MAML2: variants seen among roughly 807,000 people sequenced by gnomAD.
MAML2 encodes mastermind like transcriptional coactivator 2.
In MAML2, 22 loss-of-function variants were observed where a neutral mutation model predicts 96.1. The ratio of observed to expected loss-of-function variants is 0.23; its 90% confidence interval spans 0.16 to 0.33. The LOEUF (loss-of-function observed/expected upper bound fraction) is 0.33, where lower values mean the gene tolerates loss of function less well. Among genes scored for constraint, MAML2 ranks in the 10% least tolerant of loss-of-function variants. The pLI is 1.00. For missense variants in MAML2, 1,367 were observed against 1,392.4 expected, an observed-to-expected ratio of 0.98 and a Z score of 0.29; for synonymous variants, 561 against 521.3, an observed-to-expected ratio of 1.08 and a Z score of -1.04.
chr11:96,018,127 T>A (rs1169775751), intron 2 of MAML2, among the ~76,000 whole-genome samples: 2 of 152,190 alleles, frequency 1.3e-5, no homozygotes, highest in Non-Finnish European at 2.9e-5. Flanking sequence ...GAGCCACTAA[T>A]AAGCAACTAT....
chr11:96,007,616 CAT>C (rs1858204903), intron 2 of MAML2, among the ~76,000 whole-genome samples: 1 of 151,832 alleles, frequency 6.6e-6, no homozygotes, highest in Non-Finnish European at 1.5e-5. Flanking sequence ...CTCCTATTAG[CAT>C]ATATAAGCCT....
intron 2 of MAML2, among the ~76,000 whole-genome samples, chr11:95,998,122 A>ATCTGTCTGTCAGTCTGTCTG (rs1554993525): frequency 1.4e-4 from 16 of 117,460 alleles, no homozygotes; most frequent in African/African-American, 4.9e-4. Context: ...TTTTCTATCT[A>ATCTGTCTGTCAGTCTGTCTG]TCTGTCTGTC....
At chr11:96,168,941 G>A (rs1006244780) in intron 1 of MAML2, among the ~76,000 whole-genome samples, 1 of 152,090 alleles carries the variant, frequency 6.6e-6, no homozygotes, top group African/African-American at 2.4e-5. Context: ...GGTGCCTAGT[G>A]GTGCTATTCA....
At chr11:95,998,057 T>C (rs1240062779) in intron 2 of MAML2, among the ~76,000 whole-genome samples, 1 of 152,100 alleles carries the variant, frequency 6.6e-6, no homozygotes, top group East Asian at 1.9e-4. Context: ...ACTAGACTCT[T>C]TATATAGCAA....
At chr11:96,183,562 T>A (rs111236253) in intron 1 of MAML2, among the ~76,000 whole-genome samples, 94 of 143,588 alleles carry the variant, frequency 6.5e-4, no homozygotes, top group African/African-American at 2.5e-3. Context: ...CACACCCAGC[T>A]AGATTTTTTT....
At chr11:96,067,225 T>C (rs1859259583) in intron 2 of MAML2, among the ~76,000 whole-genome samples, 1 of 152,226 alleles carries the variant, frequency 6.6e-6, no homozygotes, top group Non-Finnish European at 1.5e-5. Context: ...TGCTGGTAGC[T>C]ACCATTTGCA....
intron 1 of MAML2, among the ~76,000 whole-genome samples, chr11:96,256,847 C>G (rs1396216453): frequency 6.6e-6 from 1 of 152,138 alleles, no homozygotes; most frequent in Non-Finnish European, 1.5e-5. Context: ...TATCAAATGC[C>G]ATAAATATCT....
At chr11:96,110,128 G>C (rs936584039) in intron 1 of MAML2, among the ~76,000 whole-genome samples, 1 of 152,134 alleles carries the variant, frequency 6.6e-6, no homozygotes, top group African/African-American at 2.4e-5. Context: ...GTGGCATCTG[G>C]CATTTGATTG....
At chr11:96,316,701 G>A (rs1228053569) in intron 1 of MAML2, among the ~76,000 whole-genome samples, 2 of 152,182 alleles carry the variant, frequency 1.3e-5, no homozygotes, top group African/African-American at 2.4e-5. Context: ...TGCAACAGGA[G>A]GCTACTTAAG....
chr11:96,155,087 A>C (rs1860989445), intron 1 of MAML2, among the ~76,000 whole-genome samples: 1 of 152,164 alleles, frequency 6.6e-6, no homozygotes, highest in African/African-American at 2.4e-5. Flanking sequence ...GATGCCTATG[A>C]CTGGGTAAAT....
intron 1 of MAML2, among the ~76,000 whole-genome samples, chr11:96,245,972 G>A (rs1262130575): frequency 6.6e-6 from 1 of 151,998 alleles, no homozygotes; most frequent in East Asian, 1.9e-4. Context: ...CAAAGTGCTG[G>A]GATTACAGGT....
chr11:96,067,721 T>G (rs1859267261), intron 2 of MAML2, among the ~76,000 whole-genome samples: 1 of 152,194 alleles, frequency 6.6e-6, no homozygotes, highest in Non-Finnish European at 1.5e-5. Flanking sequence ...TATTTCACAT[T>G]AATATGGACA....
At chr11:96,162,714 AAAAAG>A (rs1373843420) in intron 1 of MAML2, among the ~76,000 whole-genome samples, 1 of 141,256 alleles carries the variant, frequency 7.1e-6, no homozygotes, top group Admixed American at 7.1e-5. Flanking sequence ...TCCGTCTCAA[AAAAAG>A]AAAAAAAAAA....
At chr11:95,997,789 T>G (rs1404340666) in intron 2 of MAML2, among the ~76,000 whole-genome samples, 1 of 152,152 alleles carries the variant, frequency 6.6e-6, no homozygotes, top group African/African-American at 2.4e-5. Context: ...ATCCTCTTCT[T>G]CTAAGGCTTT....
At position 96,341,742 on chromosome 11, in the gene MAML2, G is replaced by T. The variant is rs1863998302; in HGVS notation, c.154C>A (p.Leu52Met). The stretch of plus-strand genomic sequence containing the variant: ...CGTTCATATCGTCCTTCACAGCTCA[G>T]GTGGTGTTGGCGGCAGACAGCGATC... ...ARIAVCRQHH[L>M]SCEGRYERGR... is the part of the protein sequence containing the mutation. Residue 52 changes from leucine (L) to methionine (M), a missense_variant, in exon 1 of 5, where the codon CTG becomes ATG. Transcript: ENST00000524717. 6.2e-7 allele frequency: 1 copy of T among 1,613,228 alleles called. No individual in the cohort carries two copies.
At chr11:96,036,726 C>T (rs1045064532) in intron 2 of MAML2, among the ~76,000 whole-genome samples, 1 of 151,996 alleles carries the variant, frequency 6.6e-6, no homozygotes, top group Non-Finnish European at 1.5e-5. Context: ...AACTCCGGGG[C>T]TGAGATGTGG....
chr11:96,248,982 T>G (rs1280278423), intron 1 of MAML2, among the ~76,000 whole-genome samples: 1 of 152,230 alleles, frequency 6.6e-6, no homozygotes, highest in Non-Finnish European at 1.5e-5. Flanking sequence ...TAGTAAACAC[T>G]ACAAATCAGG....
At chr11:96,242,480 A>G (rs1862449972) in intron 1 of MAML2, among the ~76,000 whole-genome samples, 1 of 152,174 alleles carries the variant, frequency 6.6e-6, no homozygotes, top group Non-Finnish European at 1.5e-5. Flanking sequence ...CAGTAAGAGA[A>G]ACAGAGATGG....
At chr11:96,285,663 C>T (rs191627519) in intron 1 of MAML2, among the ~76,000 whole-genome samples, 70 of 152,070 alleles carry the variant, frequency 4.6e-4, no homozygotes, top group African/African-American at 1.3e-3. Context: ...AGTAGGCAAA[C>T]AACACGAACA....
Sources: gnomAD v4.1 joint callset for allele counts (sites outside exome capture counted in the v4.1 genomes callset) on GRCh38, gnomAD v4.1.1 for gene constraint, MANE v1.5 for transcripts, NCBI Gene and HGNC (gene_info 2026-07-23, HGNC 2026-07-21) for gene names.